The following SMYD3 variants were observed in gnomAD, a reference collection of about 807,000 sequenced individuals.
SMYD3 encodes SET and MYND domain containing 3.
Under a neutral mutation model 57.7 loss-of-function variants are expected in SMYD3, and 36 were observed. That is an observed-to-expected ratio of 0.62 (90% CI 0.48 to 0.82). The LOEUF (loss-of-function observed/expected upper bound fraction) is 0.82, where lower values mean the gene tolerates loss of function less well. SMYD3 is among the 40% of genes least tolerant of loss of function. The pLI is 0.00. For missense variants in SMYD3, 515 were observed against 538.8 expected, an observed-to-expected ratio of 0.96 and a Z score of 0.44; for synonymous variants, 211 against 195.0, an observed-to-expected ratio of 1.08 and a Z score of -0.68.
At position 245,893,647 on chromosome 1, in the gene SMYD3, G is replaced by A. The variant is rs111474138; in HGVS notation, c.813+21883C>T. 3.3e-3 allele frequency among the ~76,000 whole-genome samples: 509 copies of A among 152,318 alleles called. 4 individuals are homozygous for A. The highest frequency in any genetic ancestry group is 0.012 in the African/African-American group (484 of 41,564). ...ATATTGTGGAAAAGGTAAAATGGTA[G>A]TGACAGAAAGAAGATTTGGGTTAGC... On this transcript the variant is annotated intron_variant, in intron 8 of 11. Transcript: ENST00000490107.
chr1:246,032,851 G>C (rs1333903617), intron 5 of SMYD3, among the ~76,000 whole-genome samples: 2 of 152,172 alleles, frequency 1.3e-5, no homozygotes, highest in Non-Finnish European at 2.9e-5. Context: ...AGTTCAGGCA[G>C]ACATGGGTTC....
chr1:246,312,595 G>A (rs189673314), intron 5 of SMYD3, among the ~76,000 whole-genome samples: 17 of 152,258 alleles, frequency 1.1e-4, no homozygotes, highest in African/African-American at 4.1e-4. Context: ...AGTATGCTGT[G>A]CGGAAGAAAA....
At chr1:246,155,371 C>A (rs755834564) in intron 5 of SMYD3, among the ~76,000 whole-genome samples, 18 of 152,280 alleles carry the variant, frequency 1.2e-4, no homozygotes, top group African/African-American at 3.8e-4. Flanking sequence ...TATTTCCATA[C>A]GTTTCTTGTT....
At chr1:246,273,868 C>A (rs567662167) in intron 5 of SMYD3, among the ~76,000 whole-genome samples, 15 of 152,096 alleles carry the variant, frequency 9.9e-5, no homozygotes, top group Admixed American at 5.2e-4. Flanking sequence ...TGAACCACTG[C>A]GCCCGGCCAC....
chr1:246,335,284 C>T (rs2065523794), intron 3 of SMYD3, 83 bp downstream of exon 3: 5 of 1,184,828 alleles, frequency 4.2e-6, no homozygotes, highest in Admixed American at 2.0e-5. Flanking sequence ...GAACCTGCAA[C>T]ATCTCTGAGG....
At chr1:246,124,215 A>C (rs2061469949) in intron 5 of SMYD3, among the ~76,000 whole-genome samples, 1 of 152,344 alleles carries the variant, frequency 6.6e-6, no homozygotes, top group Admixed American at 6.5e-5. Context: ...TTCTAGTCTC[A>C]GTATTGTCAC....
chr1:246,379,610 C>T (rs551179608), intron 1 of SMYD3, among the ~76,000 whole-genome samples: 4 of 152,296 alleles, frequency 2.6e-5, no homozygotes, highest in Non-Finnish European at 5.9e-5. Flanking sequence ...TATAGCTAAA[C>T]AGTAACTACT....
intron 1 of SMYD3, chr1:246,426,046 C>T (rs954463085): frequency 6.6e-6 from 1 of 151,994 alleles, no homozygotes; most frequent in African/African-American, 2.4e-5. Context: ...TGGAGAAAGA[C>T]TAGAACAAGG....
chr1:245,981,523 G>A (rs542841797), intron 5 of SMYD3, among the ~76,000 whole-genome samples: 52 of 152,200 alleles, frequency 3.4e-4, no homozygotes, highest in African/African-American at 1.1e-3. Context: ...CTTGCAAAGC[G>A]GTTTAAATTT....
chr1:245,919,072 T>C (rs1194225439), intron 7 of SMYD3, among the ~76,000 whole-genome samples: 1 of 152,202 alleles, frequency 6.6e-6, no homozygotes, highest in Non-Finnish European at 1.5e-5. Flanking sequence ...CTCGGCATAC[T>C]GTAACTGCCT....
intron 1 of SMYD3, among the ~76,000 whole-genome samples, chr1:246,430,912 C>T (rs2067287603): frequency 6.6e-6 from 1 of 151,992 alleles, no homozygotes; most frequent in Non-Finnish European, 1.5e-5. Flanking sequence ...AAACCAGGAA[C>T]GTGGGAAAAG....
chr1:246,469,169 C>A (rs539194094), intron 1 of SMYD3, among the ~76,000 whole-genome samples: 2 of 152,300 alleles, frequency 1.3e-5, no homozygotes, highest in South Asian at 2.1e-4. Context: ...ACTGGAGAGG[C>A]CTCTCTGCTG....
intron 1 of SMYD3, among the ~76,000 whole-genome samples, chr1:246,386,832 T>C (rs553398546): frequency 6.6e-6 from 1 of 152,146 alleles, no homozygotes; most frequent in South Asian, 2.1e-4. Flanking sequence ...ATGTGAATCC[T>C]GTTATACATT....
chr1:246,126,237 T>C (rs1351698943), intron 5 of SMYD3, among the ~76,000 whole-genome samples: 1 of 152,196 alleles, frequency 6.6e-6, no homozygotes, highest in Non-Finnish European at 1.5e-5. Context: ...GGGACCATTT[T>C]CAGTATTTTC....
In SMYD3 at chr1:245,773,947, A is replaced by G. The variant is rs138754203; in HGVS notation, c.1077-9798T>C. Among the ~76,000 whole-genome samples the G allele has an allele frequency of 2.4e-4, 36 of 152,358 alleles. No individual in the cohort carries two copies. In the East Asian group the frequency reaches 6.7e-3, roughly 29 times the overall value. On this transcript the variant is annotated intron_variant, in intron 10 of 11. Transcript: ENST00000490107. ...GTTTAAAATTTTCAGAAAATTTTAA[A>G]TTTATTTGAACGTTTTAGTTCAAGT...
rs553723725 is a variant in SMYD3 at position 246,110,024 on chromosome 1, G to C, written c.532-180087C>G. On this transcript the variant is annotated intron_variant, in intron 5 of 11. Coordinates refer to ENST00000490107, the MANE Select transcript of SMYD3 (RefSeq NM_001167740.2). ...GTTAAAAGTTGGTGCTTCAGCTGCA[G>C]TCACAACAGATAATGTCTCTTCAGT... 3 of 152,368 alleles carry C rather than the reference G, an allele frequency of 2.0e-5. No individual in the cohort carries two copies. The South Asian group carries it at 6.2e-4, about 32-fold the overall frequency. 9.4% of individuals were successfully genotyped at this position (152,368 alleles called of 1,614,324 possible). A position where few individuals can be genotyped will look rare whatever the true frequency, so the allele number is the denominator to read the frequency against.
chr1:246,464,021 A>C (rs1285181464), intron 1 of SMYD3, among the ~76,000 whole-genome samples: 10 of 152,144 alleles, frequency 6.6e-5, no homozygotes, highest in Admixed American at 6.5e-4. Context: ...GGCGAGGATG[A>C]GCCTGCAAAG....
chr1:245,930,029 G>C (rs994956973), intron 5 of SMYD3, 92 bp from the exon 6 acceptor site: 35 of 1,026,134 alleles, frequency 3.4e-5, no homozygotes, highest in African/African-American at 1.1e-4. Flanking sequence ...CCAAATGTAG[G>C]AGCATCTTAG....
At chr1:245,929,735 T>C in intron 6 of SMYD3, 135 bp downstream of exon 6, 1 of 677,782 alleles carries the variant, frequency 1.5e-6, no homozygotes, top group Middle Eastern at 2.6e-4. Context: ...CATTTTTTTG[T>C]AATTTATTGC....
Sources: allele counts gnomAD v4.1 joint callset (sites outside exome capture counted in the v4.1 genomes callset), GRCh38; gene constraint gnomAD v4.1.1; transcripts MANE v1.5; gene names NCBI Gene and HGNC (gene_info 2026-07-23, HGNC 2026-07-21).